MARK3: variants seen among roughly 807,000 people sequenced by gnomAD.
The protein encoded by MARK3 is microtubule affinity regulating kinase 3, also known as MAP/microtubule affinity-regulating kinase 3.
In MARK3, 46 loss-of-function variants were observed where a neutral mutation model predicts 90.1. The ratio of observed to expected loss-of-function variants is 0.51; its 90% CI spans 0.40 to 0.65. The LOEUF (loss-of-function observed/expected upper bound fraction) is 0.65, where lower values mean the gene tolerates loss of function less well. Ranked by LOEUF, MARK3 falls within the 30% of genes least tolerant of loss-of-function variation. MARK3 has a pLI of 0.00. For synonymous variants in MARK3, 321 were observed against 332.6 expected, an observed-to-expected ratio of 0.97 and a Z score of 0.38; for missense variants, 818 against 947.2, an observed-to-expected ratio of 0.86 and a Z score of 1.79.
Position 103,442,191 on chromosome 14 carries a change from G to A in MARK3, c.298-6728G>A, listed in dbSNP as rs1595697301. 2.0e-5 allele frequency among the ~76,000 whole-genome samples: 3 copies of A among 152,104 alleles called. No individual in the cohort carries two copies. The South Asian group carries it at 6.2e-4, about 32-fold the overall frequency. On this transcript the variant is annotated intron_variant, in intron 3 of 17. Coordinates refer to ENST00000429436, the MANE Select transcript of MARK3 (RefSeq NM_001128918.3). ...AGACCATCCTGGTGAACATGGTGAA[G>A]CCCCGTCTCTACTAAAAAATACAAA...
chr14:103,437,796 GCCAGGTGCTGTT>G (rs1192299562), intron 3 of MARK3, among the ~76,000 whole-genome samples: 1 of 152,152 alleles, frequency 6.6e-6, no homozygotes, highest in Non-Finnish European at 1.5e-5. Context: ...TTTATTGTGT[GCCAGGTGCTGTT>G]CCATGCACTC....
chr14:103,440,361 C>T (rs1262112417), intron 3 of MARK3, among the ~76,000 whole-genome samples: 1 of 152,192 alleles, frequency 6.6e-6, no homozygotes, highest in Non-Finnish European at 1.5e-5. Context: ...TGCACATCCT[C>T]CTTCTTCATT....
chr14:103,441,795 G>A (rs2092863313), intron 3 of MARK3, among the ~76,000 whole-genome samples: 1 of 152,108 alleles, frequency 6.6e-6, no homozygotes, highest in Non-Finnish European at 1.5e-5. Flanking sequence ...CAGAGTCTCC[G>A]TGTCTAAACA....
Position 103,457,101 on chromosome 14 carries a change from G to C in MARK3, c.413-41G>C, listed in dbSNP as rs200634612. 9.2e-5 allele frequency: 112 copies of C among 1,219,516 alleles called. No individual in the cohort carries two copies. In the East Asian group the frequency reaches 1.8e-3, roughly 19 times the overall value. The allele number at this position is 1,219,516 out of a possible 1,614,324, so 75.5% of individuals were successfully genotyped here. A position where few individuals can be genotyped will look rare whatever the true frequency, so the allele number is the denominator to read the frequency against. Reference sequence around the variant, plus strand: ...CAATTTATGGGAAAATTAATACTCAGAAGTAGGATTTCTACTTACTTTTAT... The same window carrying C: ...CAATTTATGGGAAAATTAATACTCACAAGTAGGATTTCTACTTACTTTTAT... On this transcript the variant is annotated intron_variant, in intron 5 of 17. Coordinates refer to ENST00000429436, the MANE Select transcript of MARK3 (RefSeq NM_001128918.3).
At chr14:103,457,049 A>G (rs982056304) in intron 5 of MARK3, 93 bp from the exon 6 acceptor site, 3 of 716,154 alleles carry the variant, frequency 4.2e-6, no homozygotes, top group African/African-American at 1.8e-5. Context: ...ATATTTAAAA[A>G]TTAGAGCATT....
At chr14:103,422,662 T>A (rs2092264802) in intron 2 of MARK3, among the ~76,000 whole-genome samples, 1 of 152,192 alleles carries the variant, frequency 6.6e-6, no homozygotes, top group South Asian at 2.1e-4. Flanking sequence ...TGTGCCACCT[T>A]CTAATACCAT....
intron 1 of MARK3, among the ~76,000 whole-genome samples, chr14:103,404,415 G>A (rs1045199574): frequency 2.6e-5 from 4 of 152,160 alleles, no homozygotes; most frequent in African/African-American, 4.8e-5. Context: ...GGATGCCTGC[G>A]CATACAGCCA....
intron 1 of MARK3, among the ~76,000 whole-genome samples, chr14:103,398,787 GTACAAAA>G (rs1001774558): frequency 3.3e-5 from 5 of 152,188 alleles, no homozygotes; most frequent in Non-Finnish European, 5.9e-5. Flanking sequence ...TATTTCTAAA[GTACAAAA>G]TACTTGGAGG....
At chr14:103,452,321 G>A (rs2093166118) in intron 5 of MARK3, among the ~76,000 whole-genome samples, 1 of 151,892 alleles carries the variant, frequency 6.6e-6, no homozygotes, top group African/African-American at 2.4e-5. Flanking sequence ...TGTCCAGAAT[G>A]TTTTCATTTT....
At chr14:103,412,800 T>C in intron 2 of MARK3, 1 of 420,506 alleles carries the variant, frequency 2.4e-6, no homozygotes, top group South Asian at 2.0e-5. Context: ...GAGGGTTTAG[T>C]TGGTTTTATA....
chr14:103,494,717 A>G (rs909817969), intron 15 of MARK3, among the ~76,000 whole-genome samples: 1 of 151,982 alleles, frequency 6.6e-6, no homozygotes, highest in East Asian at 1.9e-4. Context: ...GCCCATGGCA[A>G]TCTTCGCCTT....
intron 1 of MARK3, among the ~76,000 whole-genome samples, chr14:103,389,084 G>C (rs1371760350): frequency 6.6e-6 from 1 of 152,124 alleles, no homozygotes; most frequent in East Asian, 1.9e-4. Context: ...GAAAAGGCAG[G>C]CCGGGTGTGG....
chr14:103,405,355 T>G, intron 2 of MARK3, 88 bp downstream of exon 2: 30 of 1,044,170 alleles, frequency 2.9e-5, no homozygotes, highest in Non-Finnish European at 3.8e-5. Flanking sequence ...ATATAGGCCT[T>G]ATTTCTTTTT....
chr14:103,445,236 A>C (rs2092964598), intron 3 of MARK3, among the ~76,000 whole-genome samples: 1 of 152,164 alleles, frequency 6.6e-6, no homozygotes, highest in Non-Finnish European at 1.5e-5. Flanking sequence ...GTCTCTGTAT[A>C]CTGGAGATGA....
chr14:103,482,477 C>T (rs549834644), intron 14 of MARK3, among the ~76,000 whole-genome samples: 5 of 151,746 alleles, frequency 3.3e-5, no homozygotes, highest in African/African-American at 7.3e-5. Flanking sequence ...GCTGAGATCG[C>T]GCCACTGCAG....
chr14:103,423,099 T>G (rs1409636648), intron 2 of MARK3, among the ~76,000 whole-genome samples: 1 of 151,324 alleles, frequency 6.6e-6, no homozygotes, highest in African/African-American at 2.4e-5. Context: ...GAAAATAAAT[T>G]ACTGTTAAGT....
intron 1 of MARK3, 123 bp downstream of exon 1, chr14:103,386,203 T>G (rs1026477761): frequency 1.5e-5 from 14 of 963,664 alleles, no homozygotes; most frequent in Non-Finnish European, 2.4e-5. Context: ...CAGGCCGTAG[T>G]CACCCAGGAG....
At chr14:103,433,172 G>A (rs1268381393) in intron 3 of MARK3, among the ~76,000 whole-genome samples, 2 of 148,150 alleles carry the variant, frequency 1.3e-5, no homozygotes, top group Admixed American at 1.4e-4. Flanking sequence ...TGCAACCTCT[G>A]CCTCCCGGGT....
At chr14:103,420,632 T>C (rs2092172039) in intron 2 of MARK3, among the ~76,000 whole-genome samples, 1 of 152,172 alleles carries the variant, frequency 6.6e-6, no homozygotes, top group Non-Finnish European at 1.5e-5. Context: ...ATATGTACAT[T>C]ATTGGGCAAC....
Sources: allele counts gnomAD v4.1 joint callset (sites outside exome capture counted in the v4.1 genomes callset), GRCh38; gene constraint gnomAD v4.1.1; transcripts MANE v1.5; gene names NCBI Gene and HGNC (gene_info 2026-07-23, HGNC 2026-07-21).